Variants in XRRA1 observed in about 807,000 individuals in gnomAD.
XRRA1 encodes X-ray radiation resistance associated 1.
Under a neutral mutation model 80.2 loss-of-function variants are expected in XRRA1, and 69 were observed. The observed-to-expected ratio is 0.86, with a 90% CI of 0.71 to 1.05. XRRA1 has a LOEUF of 1.05. Ranked by LOEUF, XRRA1 falls within the 50% of genes least tolerant of loss-of-function variation. The pLI, the probability that XRRA1 is intolerant of heterozygous loss-of-function variation, is 0.00. For missense variants in XRRA1, 967 were observed against 976.4 expected (o/e 0.99, Z 0.13); for synonymous variants, 348 against 389.9 (o/e 0.89, Z 1.27).
chr11:74,931,847 T>C (rs927881956), intron 5 of XRRA1: 5 of 152,358 alleles, frequency 3.3e-5, no homozygotes, highest in African/African-American at 1.2e-4. Context: ...TTCTCCAAAG[T>C]AGTTAAAACA....
At chr11:74,939,368 G>C (rs564049062) in intron 3 of XRRA1, among the ~76,000 whole-genome samples, 2 of 151,994 alleles carry the variant, frequency 1.3e-5, no homozygotes, top group Non-Finnish European at 2.9e-5. Context: ...AGAAAAGAAA[G>C]AGCTATTTTG....
chr11:74,923,623 AC>A (rs1478457516), intron 7 of XRRA1, among the ~76,000 whole-genome samples: 1 of 151,896 alleles, frequency 6.6e-6, no homozygotes, highest in East Asian at 1.9e-4. Context: ...TTAGCTTAAA[AC>A]CCTTCAATGG....
At chr11:74,926,768 T>A (rs1565420452) in intron 7 of XRRA1, among the ~76,000 whole-genome samples, 3 of 151,794 alleles carry the variant, frequency 2.0e-5, no homozygotes, top group Admixed American at 6.6e-5. Context: ...GCAAACAAAA[T>A]TTTCTGTATT....
chr11:74,927,629 C>CT, intron 6 of XRRA1, 141 bp from the exon 7 acceptor site: 1 of 505,416 alleles, frequency 2.0e-6, no homozygotes, highest in Non-Finnish European at 3.5e-6. Context: ...CTCTAAATCT[C>CT]TAACAACCCA....
Position 74,858,193 on chromosome 11 carries a change from CT to C in XRRA1, c.1170+964del, listed in dbSNP as rs1295891708. Among the ~76,000 whole-genome samples the C allele has an allele frequency of 2.0e-5, 3 of 152,126 alleles. No individual in the cohort carries two copies. The East Asian group carries it at 5.8e-4, about 29-fold the overall frequency. The stretch of plus-strand genomic sequence containing the variant: ...AGTCAATGAAAGAGGTAATGTCTAA[CT>C]ATTTTGGATCAATAAAAGACATAAA... On this transcript the variant is annotated intron_variant, in intron 12 of 18. Coordinates refer to ENST00000684022, the MANE Select transcript of XRRA1 (RefSeq NM_001378157.1).
At chr11:74,937,104 C>T (rs766206184) in intron 3 of XRRA1, 36 bp from the exon 4 acceptor site, 18 of 1,591,158 alleles carry the variant, frequency 1.1e-5, no homozygotes, top group Admixed American at 5.4e-5. Flanking sequence ...AAGGGGAAAA[C>T]TCCAAAGCTA....
In XRRA1 at chr11:74,930,220, G is replaced by C. The variant is rs1418677977; in HGVS notation, c.424+80C>G. The C allele has an allele frequency of 2.5e-6, 3 of 1,200,742 alleles. No homozygotes were observed. The South Asian group carries it at 4.0e-5, about 16-fold the overall frequency. The allele number at this position is 1,200,742 out of a possible 1,614,324, so 74.4% of individuals were successfully genotyped here. ...GATGTGTGGCCAATCATAGATGGTT[G>C]GACAGACAAATCCTAACACACGTGA... On this transcript the variant is annotated intron_variant, in intron 6 of 18. Coordinates refer to ENST00000684022, the MANE Select transcript of XRRA1 (RefSeq NM_001378157.1).
chr11:74,859,066 T>C, intron 12 of XRRA1, 92 bp downstream of exon 12: 1 of 1,431,060 alleles, frequency 7.0e-7, no homozygotes, highest in Non-Finnish European at 9.2e-7. Flanking sequence ...ATGCAGGGAA[T>C]TGAATGGAGG....
At chr11:74,919,415 AACAAAAT>A (rs1939913345) in intron 8 of XRRA1, 1 of 191,670 alleles carries the variant, frequency 5.2e-6, no homozygotes, top group Non-Finnish European at 1.1e-5. Context: ...AACTTTCCAT[AACAAAAT>A]ACCAATTACC....
intron 12 of XRRA1, among the ~76,000 whole-genome samples, chr11:74,854,106 T>A (rs1301061180): frequency 2.0e-5 from 3 of 152,182 alleles, no homozygotes; most frequent in Non-Finnish European, 4.4e-5. Flanking sequence ...TGAAAGAACA[T>A]ACAATTTGAA....
intron 10 of XRRA1, among the ~76,000 whole-genome samples, chr11:74,882,590 T>C (rs866049040): frequency 6.6e-6 from 1 of 152,224 alleles, no homozygotes; most frequent in East Asian, 1.9e-4. Context: ...GGCGCTCTGC[T>C]TTTTAGAGTT....
chr11:74,882,181 C>T (rs1340355013), intron 10 of XRRA1, among the ~76,000 whole-genome samples: 1 of 152,118 alleles, frequency 6.6e-6, no homozygotes, highest in Non-Finnish European at 1.5e-5. Context: ...TCACATAGTC[C>T]CATATTTCTT....
intron 10 of XRRA1, chr11:74,876,916 A>G (rs1350930096): frequency 2.0e-5 from 3 of 152,220 alleles, no homozygotes; most frequent in African/African-American, 4.8e-5. Context: ...ACTTGTGGGA[A>G]GATTTTGATT....
chr11:74,917,095 TG>T (rs1290626583), intron 8 of XRRA1, among the ~76,000 whole-genome samples: 1 of 152,192 alleles, frequency 6.6e-6, no homozygotes, highest in African/African-American at 2.4e-5. Context: ...CAGTTGTGGA[TG>T]GGTGTGTGTG....
intron 8 of XRRA1, among the ~76,000 whole-genome samples, chr11:74,907,592 C>T (rs1381107287): frequency 6.6e-6 from 1 of 152,118 alleles, no homozygotes; most frequent in Non-Finnish European, 1.5e-5. Flanking sequence ...GAGGCATGAC[C>T]AAGCTGGAGG....
At chr11:74,852,526 C>T (rs558810418) in intron 12 of XRRA1, among the ~76,000 whole-genome samples, 138 of 152,286 alleles carry the variant, frequency 9.1e-4, no homozygotes, top group African/African-American at 3.2e-3. Context: ...CAGCACAAAC[C>T]TCTACACACT....
chr11:74,940,966 C>A, intron 2 of XRRA1, 84 bp from the exon 3 acceptor site: 1 of 951,054 alleles, frequency 1.1e-6, no homozygotes, highest in Non-Finnish European at 1.6e-6. Flanking sequence ...GCTCATGAGC[C>A]CACCAGGACC....
At chr11:74,912,766 A>C (rs1279170181) in intron 8 of XRRA1, among the ~76,000 whole-genome samples, 1 of 152,216 alleles carries the variant, frequency 6.6e-6, no homozygotes, top group Admixed American at 6.5e-5. Context: ...ACTTAAAACT[A>C]ATTAAGCTTA....
At chr11:74,890,820 C>T (rs1407044211) in intron 10 of XRRA1, among the ~76,000 whole-genome samples, 1 of 152,136 alleles carries the variant, frequency 6.6e-6, no homozygotes, top group Non-Finnish European at 1.5e-5. Flanking sequence ...GGATAAATTC[C>T]TCAACACATA....
Sources: gnomAD v4.1 joint callset for allele counts (sites outside exome capture counted in the v4.1 genomes callset) on GRCh38, gnomAD v4.1.1 for gene constraint, MANE v1.5 for transcripts, NCBI Gene and HGNC (gene_info 2026-07-23, HGNC 2026-07-21) for gene names.